The following ATP6V1G3 variants were observed in gnomAD, a reference collection of about 807,000 sequenced individuals.
ATP6V1G3 encodes the protein V-type proton ATPase subunit G 3.
In ATP6V1G3, 9 loss-of-function variants were observed where a neutral mutation model predicts 9.3. The ratio of observed to expected loss-of-function variants is 0.97; its 90% CI spans 0.59 to 1.69. ATP6V1G3 has a LOEUF of 1.69. Among genes scored for constraint, ATP6V1G3 ranks in the 40% most tolerant of loss-of-function variants. The pLI, the probability that ATP6V1G3 is intolerant of heterozygous loss-of-function variation, is 0.00. For missense variants in ATP6V1G3, 133 were observed against 139.0 expected, an observed-to-expected ratio of 0.96 and a Z score of 0.22; for synonymous variants, 43 against 43.8, an observed-to-expected ratio of 0.98 and a Z score of 0.07.
intron 2 of ATP6V1G3, among the ~76,000 whole-genome samples, chr1:198,526,513 C>T (rs1659658247): frequency 6.6e-6 from 1 of 152,076 alleles, no homozygotes. Flanking sequence ...TACATTTGGT[C>T]TAAGGGTGAC....
At chr1:198,528,470 G>A (rs1012480665) in intron 2 of ATP6V1G3, among the ~76,000 whole-genome samples, 3 of 152,070 alleles carry the variant, frequency 2.0e-5, no homozygotes, top group African/African-American at 7.2e-5. Flanking sequence ...ACATGGAAAG[G>A]AGGGTGTCCG....
intron 2 of ATP6V1G3, among the ~76,000 whole-genome samples, chr1:198,525,892 CTT>C: frequency 6.6e-6 from 1 of 152,120 alleles, no homozygotes; most frequent in East Asian, 1.9e-4. Flanking sequence ...TCCAGAGAGA[CTT>C]ATAAAGATGA....
intron 1 of ATP6V1G3, among the ~76,000 whole-genome samples, chr1:198,533,263 A>G (rs1659978420): frequency 6.6e-6 from 1 of 151,498 alleles, no homozygotes; most frequent in South Asian, 2.1e-4. Flanking sequence ...AGATCACGCC[A>G]TTGTATTCCA....
chr1:198,527,355 G>A (rs1278700651), intron 2 of ATP6V1G3, among the ~76,000 whole-genome samples: 1 of 151,926 alleles, frequency 6.6e-6, no homozygotes, highest in Non-Finnish European at 1.5e-5. Context: ...TGAGAGAGAT[G>A]AGGAGTTTTG....
In ATP6V1G3 at chr1:198,523,445, G is replaced by C. The variant is rs1571710627; in HGVS notation, c.303C>G (p.Ser101Arg). The change falls in exon 3 of 3, where the codon AGC becomes AGG. Residue 101 changes from serine to arginine, a missense_variant. Physicochemically the swap from Ser to Arg is moderately radical, Grantham distance 110. Coordinates refer to ENST00000367382, the MANE Select transcript of ATP6V1G3 (RefSeq NM_001376861.1). ...YMESVMNQLL[S>R]MVCDMKPEIH... ...TTTCTGGTTTCATGTCACAGACCAT[G>C]CTCAAGAGCTGGTTCATCACACTTT... 6.2e-7 allele frequency: 1 copy of C among 1,613,392 alleles called. No individual in the cohort carries two copies. Among genetic ancestry groups the C allele is most frequent in the Non-Finnish European group, 8.5e-7 (1 of 1,179,704 alleles).
chr1:198,528,363 A>C (rs1270001414), intron 2 of ATP6V1G3, among the ~76,000 whole-genome samples: 1 of 152,094 alleles, frequency 6.6e-6, no homozygotes, highest in Non-Finnish European at 1.5e-5. Flanking sequence ...TTCTGCACAG[A>C]GCTTTACTTA....
At chr1:198,525,746 A>G (rs1181930189) in intron 2 of ATP6V1G3, among the ~76,000 whole-genome samples, 1 of 152,134 alleles carries the variant, frequency 6.6e-6, no homozygotes, top group Non-Finnish European at 1.5e-5. Flanking sequence ...GCACATCTTG[A>G]TTGGGACTAG....
chr1:198,536,423 T>C (rs1244263229), intron 1 of ATP6V1G3, among the ~76,000 whole-genome samples: 1 of 152,196 alleles, frequency 6.6e-6, no homozygotes, highest in Non-Finnish European at 1.5e-5. Flanking sequence ...CCATGGCAGA[T>C]CTCTGATGTT....
chr1:198,531,426 A>G (rs1233455658), intron 1 of ATP6V1G3, among the ~76,000 whole-genome samples: 1 of 152,228 alleles, frequency 6.6e-6, no homozygotes, highest in Non-Finnish European at 1.5e-5. Flanking sequence ...ATGCATTAAA[A>G]ACATGGCTGC....
chr1:198,523,415 A>C lies in ATP6V1G3; in HGVS notation c.333T>G (p.His111Gln). 1 of 1,613,108 alleles carries C rather than the reference A, an allele frequency of 6.2e-7. No individual in the cohort carries two copies. Residue 111 changes from histidine (H) to glutamine (Q), a missense_variant, in exon 3 of 3, where the codon CAT becomes CAG. Coordinates refer to ENST00000367382, the MANE Select transcript of ATP6V1G3 (RefSeq NM_001376861.1). ...TTTAGTTGGTGGCTCTGTAGTTCAC[A>C]TGGATTTCTGGTTTCATGTCACAGA... Reference protein sequence around the residue: ...SMVCDMKPEIHVNYRATN With the variant: ...SMVCDMKPEIQVNYRATN
At chr1:198,526,250 G>A (rs1040320562) in intron 2 of ATP6V1G3, among the ~76,000 whole-genome samples, 1 of 152,126 alleles carries the variant, frequency 6.6e-6, no homozygotes. Flanking sequence ...ACCCATGTAG[G>A]AGTTTCAGTG....
intron 2 of ATP6V1G3, among the ~76,000 whole-genome samples, chr1:198,524,129 T>C (rs1222677720): frequency 2.6e-5 from 4 of 151,636 alleles, no homozygotes; most frequent in Admixed American, 6.6e-5. Flanking sequence ...CACAATTTTT[T>C]TTTTTTTTTT....
chr1:198,533,499 G>A (rs1659989086), intron 1 of ATP6V1G3, among the ~76,000 whole-genome samples: 1 of 152,140 alleles, frequency 6.6e-6, no homozygotes, highest in Non-Finnish European at 1.5e-5. Context: ...ATTGATACAT[G>A]AGCATGAGAG....
chr1:198,524,445 A>G (rs1349559353), intron 2 of ATP6V1G3, among the ~76,000 whole-genome samples: 2 of 152,236 alleles, frequency 1.3e-5, no homozygotes, highest in South Asian at 4.1e-4. Flanking sequence ...TTCTTTGGGT[A>G]ATAGATATTA....
intron 1 of ATP6V1G3, among the ~76,000 whole-genome samples, chr1:198,532,671 A>G (rs997998665): frequency 2.0e-5 from 3 of 152,182 alleles, no homozygotes; most frequent in Non-Finnish European, 4.4e-5. Context: ...CAATATGTGA[A>G]CAGAGGCCTA....
At chr1:198,537,621 T>C (rs984506659) in intron 1 of ATP6V1G3, among the ~76,000 whole-genome samples, 1 of 152,210 alleles carries the variant, frequency 6.6e-6, no homozygotes, top group Non-Finnish European at 1.5e-5. Context: ...TTCAAATGAA[T>C]CTTTGTATGA....
chr1:198,540,809 C>T (rs77836571), upstream of ATP6V1G3: 2,745 of 699,352 alleles, frequency 3.9e-3, 42 homozygotes, highest in African/African-American at 0.041. Context: ...AGCTGGGTCC[C>T]AAGGAAAGCC....
rs184819872 is a variant in ATP6V1G3 at position 198,523,556 on chromosome 1, G to T, written c.192C>A (p.Gly64=). The change falls in exon 3 of 3, where the codon GGC becomes GGA. Residue 64 remains glycine (G), a synonymous_variant. Coordinates refer to ENST00000367382, the MANE Select transcript of ATP6V1G3 (RefSeq NM_001376861.1). The stretch of plus-strand genomic sequence containing the variant: ...TTTCATCTGAGAGATTATTCTGAGA[G>T]CCCATTATCTACCAAAACAAAACAG... ...EFRLKQSKIM[G]SQNNLSDEIE... 9.3e-6 allele frequency: 15 copies of T among 1,610,144 alleles called. No homozygotes were observed. Among genetic ancestry groups the T allele is most frequent in the South Asian group, 8.8e-5 (8 of 90,578 alleles).
At chr1:198,531,110 C>T (rs941861806) in intron 1 of ATP6V1G3, among the ~76,000 whole-genome samples, 2 of 152,026 alleles carry the variant, frequency 1.3e-5, no homozygotes, top group African/African-American at 2.4e-5. Flanking sequence ...AGGCTCAGAG[C>T]GTGTCTGTGA....
Sources: allele counts gnomAD v4.1 joint callset (sites outside exome capture counted in the v4.1 genomes callset), GRCh38; gene constraint gnomAD v4.1.1; transcripts MANE v1.5; gene names NCBI Gene and HGNC (gene_info 2026-07-23, HGNC 2026-07-21).